RIC1: variants seen among roughly 807,000 people sequenced by gnomAD.
RIC1 encodes guanine nucleotide exchange factor subunit RIC1.
In RIC1, 88 loss-of-function variants were observed where a neutral mutation model predicts 169.0. The observed-to-expected ratio is 0.52, with a 90% confidence interval of 0.44 to 0.62. RIC1 has a LOEUF of 0.62. RIC1 is among the 20% of genes least tolerant of loss of function. The pLI is 0.00. For synonymous variants in RIC1, 790 were observed against 601.5 expected (o/e 1.31, Z -4.59); for missense variants, 1,877 against 1,725.5 (o/e 1.09, Z -1.56).
At chr9:5,726,377 C>T (rs1372826449) in intron 6 of RIC1, among the ~76,000 whole-genome samples, 2 of 152,064 alleles carry the variant, frequency 1.3e-5, no homozygotes, top group African/African-American at 4.8e-5. Context: ...GATTGCAACC[C>T]CTGCTTTTTT....
At chr9:5,764,882 C>CT (rs562983935) in intron 19 of RIC1, among the ~76,000 whole-genome samples, 258 of 152,274 alleles carry the variant, frequency 1.7e-3, no homozygotes, top group Non-Finnish European at 1.8e-3. Context: ...TATTAGGCAC[C>CT]TTTCCATAAA....
chr9:5,755,986 C>T (rs1428346752), intron 15 of RIC1, among the ~76,000 whole-genome samples: 1 of 151,502 alleles, frequency 6.6e-6, no homozygotes, highest in Non-Finnish European at 1.5e-5. Context: ...TATAATAGTA[C>T]ATTCAGTTTT....
intron 12 of RIC1, among the ~76,000 whole-genome samples, chr9:5,750,778 G>A (rs575524603): frequency 6.6e-6 from 1 of 151,210 alleles, no homozygotes; most frequent in African/African-American, 2.4e-5. Flanking sequence ...TTTTGTCACT[G>A]ATCAGCTGCC....
At chr9:5,733,703 G>A (rs889219879) in intron 7 of RIC1, among the ~76,000 whole-genome samples, 3 of 151,986 alleles carry the variant, frequency 2.0e-5, no homozygotes, top group South Asian at 2.1e-4. Flanking sequence ...GTAGAAATAC[G>A]AGTAAGTTTA....
downstream of RIC1, among the ~76,000 whole-genome samples, chr9:5,778,372 G>T (rs1231364053): frequency 2.0e-5 from 3 of 152,146 alleles, no homozygotes; most frequent in Non-Finnish European, 2.9e-5. Context: ...TTTCAATCTG[G>T]ATGCCTTTTC....
rs184281557 is a variant in RIC1 at position 5,677,772 on chromosome 9, T to C, written c.253-12187T>C. Among the ~76,000 whole-genome samples, 541 of 152,266 alleles carry C rather than the reference T, an allele frequency of 3.6e-3. 2 individuals are homozygous for C. Among genetic ancestry groups the C allele is most frequent in the Admixed American group, 9.3e-3 (143 of 15,296 alleles). On this transcript the variant is annotated intron_variant, in intron 2 of 25. Transcript: ENST00000414202. ...GGTTATTTTTACTTATAGCATTATA[T>C]GTAAATTAAAACTACATTGTTTTGA...
At chr9:5,635,375 C>A (rs969721360) in intron 1 of RIC1, among the ~76,000 whole-genome samples, 8 of 152,094 alleles carry the variant, frequency 5.3e-5, no homozygotes, top group Admixed American at 5.2e-4. Context: ...GATAAGGGTC[C>A]AGTTTCCTTC....
chr9:5,690,547 A>G (rs1427373506), intron 3 of RIC1, among the ~76,000 whole-genome samples: 3 of 148,412 alleles, frequency 2.0e-5, no homozygotes, highest in South Asian at 2.1e-4. Flanking sequence ...AAGAACATAC[A>G]ATTGTAAAGC....
chr9:5,754,763 A>C (rs565728147), intron 14 of RIC1, 78 bp from the exon 15 acceptor site: 1 of 854,916 alleles, frequency 1.2e-6, no homozygotes, highest in Admixed American at 2.4e-5. Flanking sequence ...TGTCTGGGTA[A>C]GAATTTTTAT....
At chr9:5,632,564 T>C (rs1374005347) in intron 1 of RIC1, among the ~76,000 whole-genome samples, 1 of 152,148 alleles carries the variant, frequency 6.6e-6, no homozygotes, top group Non-Finnish European at 1.5e-5. Flanking sequence ...GCCCCAATAT[T>C]ATATTTTGGA....
intron 6 of RIC1, among the ~76,000 whole-genome samples, chr9:5,721,355 A>C (rs1287268782): frequency 6.6e-6 from 1 of 152,186 alleles, no homozygotes; most frequent in African/African-American, 2.4e-5. Context: ...GGAGAGCAGA[A>C]TTTATTAAAA....
chr9:5,680,351 G>C (rs145749829), intron 2 of RIC1, among the ~76,000 whole-genome samples: 105 of 152,220 alleles, frequency 6.9e-4, no homozygotes, highest in African/African-American at 2.2e-3. Context: ...TGATGCTGGC[G>C]TCATCAAATG....
At chr9:5,732,110 G>A (rs1824403920) in intron 6 of RIC1, among the ~76,000 whole-genome samples, 1 of 152,158 alleles carries the variant, frequency 6.6e-6, no homozygotes, top group Non-Finnish European at 1.5e-5. Context: ...ATTTGGAGAT[G>A]AATTTCCATA....
At chr9:5,673,886 C>T (rs1423003403) in intron 2 of RIC1, among the ~76,000 whole-genome samples, 3 of 151,928 alleles carry the variant, frequency 2.0e-5, no homozygotes, top group Admixed American at 6.6e-5. Flanking sequence ...TAAGTTTATA[C>T]AACATTTGTG....
intron 19 of RIC1, 122 bp from the exon 20 acceptor site, chr9:5,765,292 T>C: frequency 9.8e-7 from 1 of 1,016,982 alleles, no homozygotes; most frequent in Non-Finnish European, 1.4e-6. Context: ...ATCTTATTAT[T>C]AAACTAACCC....
At chr9:5,777,671 A>T (rs1444987463), downstream of RIC1, among the ~76,000 whole-genome samples, 1 of 152,160 alleles carries the variant, frequency 6.6e-6, no homozygotes, top group African/African-American at 2.4e-5. Flanking sequence ...GTTAATTTTC[A>T]TATATGATAT....
intron 12 of RIC1, among the ~76,000 whole-genome samples, chr9:5,750,485 A>G (rs1563949076): frequency 6.6e-6 from 1 of 151,928 alleles, no homozygotes; most frequent in East Asian, 1.9e-4. Context: ...TTCCTACAGT[A>G]TGTATCAAGT....
intron 1 of RIC1, among the ~76,000 whole-genome samples, chr9:5,652,158 T>C (rs1358874544): frequency 6.6e-6 from 1 of 152,242 alleles, no homozygotes; most frequent in African/African-American, 2.4e-5. Flanking sequence ...CCACTAACTT[T>C]GTTATTTTTG....
At position 5,765,782 on chromosome 9, in the gene RIC1, G is replaced by C. The variant is rs747692758; in HGVS notation, c.3121G>C (p.Gly1041Arg). The change falls in exon 21 of 26, where the codon GGT becomes CGT. Residue 1041 changes from glycine (G) to arginine (R), a missense_variant. Gly to Arg is a moderately radical substitution (Grantham distance 125). Transcript: ENST00000414202. ...ACAGAAAACACTAAGTATGCCATCT[G>C]GTCCCTCTGGAAAAAGGTAAAATAA... ...SLQKTLSMPS[G>R]PSGKRWSKDS... 6.2e-7 allele frequency: 1 copy of C among 1,614,062 alleles called. No homozygotes were observed. Among genetic ancestry groups the C allele is most frequent in the East Asian group, 2.2e-5 (1 of 44,878 alleles).
Sources: gnomAD v4.1 joint callset for allele counts (sites outside exome capture counted in the v4.1 genomes callset) on GRCh38, gnomAD v4.1.1 for gene constraint, MANE v1.5 for transcripts, NCBI Gene and HGNC (gene_info 2026-07-23, HGNC 2026-07-21) for gene names.